The following SLC44A5 variants were observed in gnomAD, a reference collection of about 807,000 sequenced individuals.
SLC44A5 encodes the protein solute carrier family 44 member 5.
Under a neutral mutation model 101.8 loss-of-function variants are expected in SLC44A5, and 57 were observed. The ratio of observed to expected loss-of-function variants is 0.56; its 90% CI spans 0.45 to 0.70. SLC44A5 has a LOEUF of 0.70. Ranked by LOEUF, SLC44A5 falls within the 30% of genes least tolerant of loss-of-function variation. The probability of loss-of-function intolerance (pLI) is 0.00; values close to 1 mark genes in which losing one functional copy is unlikely to be tolerated. For missense variants in SLC44A5, 737 were observed against 853.1 expected (o/e 0.86, Z 1.70); for synonymous variants, 281 against 290.9 (o/e 0.97, Z 0.35).
intron 7 of SLC44A5, among the ~76,000 whole-genome samples, chr1:75,245,854 TA>T (rs1364446682): frequency 2.0e-5 from 3 of 152,256 alleles, no homozygotes; most frequent in South Asian, 4.1e-4. Flanking sequence ...TGCAGATTAG[TA>T]GTAATCAACA....
intron 5 of SLC44A5, among the ~76,000 whole-genome samples, chr1:75,290,548 A>G (rs1168710379): frequency 6.6e-6 from 1 of 152,134 alleles, no homozygotes; most frequent in Non-Finnish European, 1.5e-5. Flanking sequence ...TGACAGGAGC[A>G]GGAGCCTTAG....
chr1:75,488,010 A>G (rs538794776), intron 2 of SLC44A5, among the ~76,000 whole-genome samples: 17 of 151,804 alleles, frequency 1.1e-4, no homozygotes, highest in Non-Finnish European at 1.8e-4. Context: ...TGAACTGCAC[A>G]TGCAGGGGAT....
chr1:75,598,474 C>T (rs866708887), intron 1 of SLC44A5, among the ~76,000 whole-genome samples: 7 of 152,156 alleles, frequency 4.6e-5, no homozygotes, highest in Admixed American at 1.3e-4. Flanking sequence ...CACATGTACA[C>T]GTATGTTCAC....
intron 2 of SLC44A5, among the ~76,000 whole-genome samples, chr1:75,404,054 C>T (rs1053331122): frequency 1.3e-5 from 2 of 151,754 alleles, no homozygotes; most frequent in African/African-American, 4.8e-5. Context: ...GTGAAGCATA[C>T]ACAAGTATCA....
At chr1:75,569,808 T>C (rs547073125) in intron 1 of SLC44A5, among the ~76,000 whole-genome samples, 86 of 152,336 alleles carry the variant, frequency 5.6e-4, no homozygotes, top group African/African-American at 2.0e-3. Flanking sequence ...GTATCTCCAT[T>C]TGAGTTGCTC....
At chr1:75,549,805 G>A (rs1310054255) in intron 1 of SLC44A5, among the ~76,000 whole-genome samples, 12 of 152,236 alleles carry the variant, frequency 7.9e-5, no homozygotes, top group Admixed American at 3.3e-4. Flanking sequence ...ACTAGCTTGC[G>A]AAGCAGTGGA....
At chr1:75,657,312 A>C in the SLC44A5 span, among the ~76,000 whole-genome samples, 1 of 152,064 alleles carries the variant, frequency 6.6e-6, no homozygotes, top group African/African-American at 2.4e-5. Context: ...ACTTTTGGAG[A>C]TGAAGGTTGG....
the SLC44A5 span, among the ~76,000 whole-genome samples, chr1:75,619,180 GGAAGGAAGGAAGGAAGGGA>G: frequency 6.7e-6 from 1 of 150,000 alleles, no homozygotes; most frequent in Non-Finnish European, 1.5e-5. Context: ...CAGGGAGGAT[GGAAGGAAGGAAGGAAGGGA>G]GAAGGAAGGA....
the SLC44A5 span, among the ~76,000 whole-genome samples, chr1:75,692,073 T>C: frequency 2.0e-5 from 3 of 152,184 alleles, no homozygotes; most frequent in South Asian, 6.2e-4. Context: ...GCCAGTGAAG[T>C]TGATCCTGCT....
At chr1:75,603,006 A>C (rs1269320337) in intron 1 of SLC44A5, among the ~76,000 whole-genome samples, 1 of 151,890 alleles carries the variant, frequency 6.6e-6, no homozygotes, top group Non-Finnish European at 1.5e-5. Context: ...TTTTAGATTC[A>C]GGGGGTACAT....
chr1:75,211,658 G>C (rs1646855551), intron 22 of SLC44A5, 106 bp from the exon 23 acceptor site: 3 of 794,686 alleles, frequency 3.8e-6, no homozygotes, highest in Non-Finnish European at 6.2e-6. Context: ...GAAGTACTCT[G>C]TATGGGAAAA....
At chr1:75,561,691 A>T (rs751990312) in intron 1 of SLC44A5, among the ~76,000 whole-genome samples, 1 of 152,166 alleles carries the variant, frequency 6.6e-6, no homozygotes, top group Non-Finnish European at 1.5e-5. Context: ...CAACATCCTG[A>T]TAACCCTATC....
At chr1:75,482,519 A>G (rs531602231) in intron 2 of SLC44A5, among the ~76,000 whole-genome samples, 1 of 152,292 alleles carries the variant, frequency 6.6e-6, no homozygotes, top group African/African-American at 2.4e-5. Flanking sequence ...GAGTTTGTGC[A>G]TGTGTATATG....
At chr1:75,299,619 A>G (rs1336771099) in intron 5 of SLC44A5, among the ~76,000 whole-genome samples, 3 of 152,186 alleles carry the variant, frequency 2.0e-5, no homozygotes, top group Non-Finnish European at 4.4e-5. Flanking sequence ...GACAGAACCT[A>G]TGTCTCTGGG....
At chr1:75,536,623 AAAAG>A (rs1218065236) in intron 2 of SLC44A5, among the ~76,000 whole-genome samples, 1 of 24,056 alleles carries the variant, frequency 4.2e-5, no homozygotes, top group African/African-American at 5.1e-5. Flanking sequence ...AAAAGAAAAG[AAAAG>A]AAAGAAAAAA....
intron 4 of SLC44A5, among the ~76,000 whole-genome samples, chr1:75,319,499 A>G (rs1196353584): frequency 6.6e-6 from 1 of 152,214 alleles, no homozygotes; most frequent in Non-Finnish European, 1.5e-5. Flanking sequence ...TGTTTTTATT[A>G]TAGATATATT....
chr1:75,445,839 CTT>C (rs1317516382), intron 2 of SLC44A5, among the ~76,000 whole-genome samples: 1 of 152,202 alleles, frequency 6.6e-6, no homozygotes, highest in African/African-American at 2.4e-5. Flanking sequence ...CCAAAACAAA[CTT>C]TTTATTTTTC....
chr1:75,210,651 G>A (rs1483303311), intron 23 of SLC44A5, among the ~76,000 whole-genome samples: 2 of 151,950 alleles, frequency 1.3e-5, no homozygotes, highest in African/African-American at 2.4e-5. Flanking sequence ...GTCCTGTTAC[G>A]TCTTCAGTTC....
At chr1:75,250,660 T>C (rs983519456) in intron 7 of SLC44A5, among the ~76,000 whole-genome samples, 1 of 152,162 alleles carries the variant, frequency 6.6e-6, no homozygotes, top group Non-Finnish European at 1.5e-5. Context: ...AAGAGCAGGA[T>C]GTTTTATTCA....
Sources: gnomAD v4.1 joint callset for allele counts (sites outside exome capture counted in the v4.1 genomes callset) on GRCh38, gnomAD v4.1.1 for gene constraint, MANE v1.5 for transcripts, NCBI Gene and HGNC (gene_info 2026-07-23, HGNC 2026-07-21) for gene names.